The following ST7 variants were observed in gnomAD, a reference collection of about 807,000 sequenced individuals.
ST7 encodes the protein suppressor of tumorigenicity 7 protein.
Under a neutral mutation model 78.7 loss-of-function variants are expected in ST7, and 28 were observed. The observed-to-expected ratio is 0.36, with a 90% CI of 0.26 to 0.49. The LOEUF (loss-of-function observed/expected upper bound fraction) is 0.49, where lower values mean the gene tolerates loss of function less well. Ranked by LOEUF, ST7 falls within the 20% of genes least tolerant of loss-of-function variation. ST7 has a pLI of 0.99. For missense variants in ST7, 418 were observed against 696.0 expected, an observed-to-expected ratio of 0.60 and a Z score of 4.49; for synonymous variants, 247 against 249.6, an observed-to-expected ratio of 0.99 and a Z score of 0.10.
chr7:117,170,228 G>A (rs1326106290), intron 9 of ST7, among the ~76,000 whole-genome samples: 2 of 151,946 alleles, frequency 1.3e-5, no homozygotes, highest in African/African-American at 4.8e-5. Flanking sequence ...TCTTTCTTGA[G>A]CATTTTCTTC....
At chr7:117,031,045 ATGGAAC>A (rs1222656094) in intron 1 of ST7, among the ~76,000 whole-genome samples, 2 of 152,180 alleles carry the variant, frequency 1.3e-5, no homozygotes, top group Non-Finnish European at 2.9e-5. Context: ...AGGAACATGG[ATGGAAC>A]TGGAGGCCAT....
chr7:117,011,286 T>C (rs1252004923), intron 1 of ST7, among the ~76,000 whole-genome samples: 1 of 152,070 alleles, frequency 6.6e-6, no homozygotes, highest in African/African-American at 2.4e-5. Context: ...CACGCTGAAT[T>C]AGGACAATAC....
chr7:117,116,313 A>G (rs1372441805), intron 2 of ST7, among the ~76,000 whole-genome samples: 3 of 152,214 alleles, frequency 2.0e-5, no homozygotes, highest in African/African-American at 4.8e-5. Context: ...AGCATGTCCA[A>G]GAAGTGCTTT....
intron 1 of ST7, among the ~76,000 whole-genome samples, chr7:117,033,467 A>G (rs2116210565): frequency 6.7e-6 from 1 of 149,658 alleles, no homozygotes; most frequent in East Asian, 2.0e-4. Flanking sequence ...TCTGTTGCCC[A>G]GGCTGGAGTG....
chr7:117,026,611 C>T (rs1363304279), intron 1 of ST7, among the ~76,000 whole-genome samples: 1 of 152,188 alleles, frequency 6.6e-6, no homozygotes, highest in Non-Finnish European at 1.5e-5. Flanking sequence ...GATGCAGCAA[C>T]TAATTGCAGA....
chr7:117,215,544 T>C (rs949476036), intron 13 of ST7, among the ~76,000 whole-genome samples: 3 of 152,186 alleles, frequency 2.0e-5, no homozygotes, highest in African/African-American at 7.2e-5. Flanking sequence ...TTTACCAGCC[T>C]TTTGAGGCCT....
chr7:117,078,449 A>G (rs1244654422), intron 1 of ST7, among the ~76,000 whole-genome samples: 1 of 152,262 alleles, frequency 6.6e-6, no homozygotes, highest in Non-Finnish European at 1.5e-5. Flanking sequence ...GTTATCATAT[A>G]AGCATTGTGA....
intron 10 of ST7, among the ~76,000 whole-genome samples, chr7:117,172,318 T>A (rs938606260): frequency 1.3e-5 from 2 of 152,182 alleles, no homozygotes; most frequent in African/African-American, 4.8e-5. Flanking sequence ...CTCCTATAGT[T>A]GAGGGAACTC....
At chr7:116,972,680 C>A (rs1189749772) in intron 1 of ST7, 6 of 1,041,814 alleles carry the variant, frequency 5.8e-6, no homozygotes, top group Non-Finnish European at 7.5e-6. Flanking sequence ...TCCGCTTCTT[C>A]CAGCTTTTGC....
chr7:117,089,282 G>A (rs941188596), intron 1 of ST7, among the ~76,000 whole-genome samples: 1 of 152,158 alleles, frequency 6.6e-6, no homozygotes, highest in Admixed American at 6.5e-5. Flanking sequence ...TATCACCAGT[G>A]TTTTACATAG....
chr7:117,136,011 A>C (rs540211417), intron 7 of ST7, 70 bp from the exon 8 acceptor site: 3 of 1,542,144 alleles, frequency 1.9e-6, no homozygotes, highest in African/African-American at 1.4e-5. Context: ...GCCTTTCTGC[A>C]TGAGCTCCTA....
chr7:117,215,950 G>A (rs953545219), intron 13 of ST7, among the ~76,000 whole-genome samples: 1 of 152,032 alleles, frequency 6.6e-6, no homozygotes, highest in Non-Finnish European at 1.5e-5. Context: ...GATACTCTAA[G>A]ATTGATTACA....
chr7:117,143,060 G>C (rs571851791), intron 9 of ST7, among the ~76,000 whole-genome samples: 1 of 152,160 alleles, frequency 6.6e-6, no homozygotes, highest in African/African-American at 2.4e-5. Context: ...TCCCAGGGCA[G>C]GAAGAGTAAA....
intron 10 of ST7, among the ~76,000 whole-genome samples, chr7:117,182,998 G>A (rs1808902221): frequency 6.6e-6 from 1 of 152,162 alleles, no homozygotes; most frequent in Admixed American, 6.5e-5. Context: ...AGGATTTGTG[G>A]AGAGAATGGA....
chr7:116,993,282 G>C (rs1004703358), intron 1 of ST7, among the ~76,000 whole-genome samples: 1 of 152,182 alleles, frequency 6.6e-6, no homozygotes, highest in Non-Finnish European at 1.5e-5. Context: ...AAGTTTAATT[G>C]GACTTACAAT....
intron 1 of ST7, among the ~76,000 whole-genome samples, chr7:116,963,411 A>C (rs548483515): frequency 1.9e-4 from 29 of 152,284 alleles, no homozygotes; most frequent in African/African-American, 7.0e-4. Flanking sequence ...TATACTACCT[A>C]CTGTGCTAAA....
At chr7:116,981,114 GTTTT>G (rs751948037) in intron 1 of ST7, among the ~76,000 whole-genome samples, 3 of 145,476 alleles carry the variant, frequency 2.1e-5, no homozygotes, top group Non-Finnish European at 3.0e-5. Flanking sequence ...CAGTAGTTTT[GTTTT>G]TTTTTTTAAA....
At chr7:117,096,506 T>C (rs1801054651) in intron 1 of ST7, among the ~76,000 whole-genome samples, 1 of 152,246 alleles carries the variant, frequency 6.6e-6, no homozygotes, top group South Asian at 2.1e-4. Context: ...CTTTTGTGCT[T>C]TTTTTGCTGA....
rs1023756003 is a variant in ST7, at chr7:117,225,598, G to A, written c.1638+3536G>A. 3.9e-5 allele frequency among the ~76,000 whole-genome samples: 6 copies of A among 152,136 alleles called. No homozygotes were observed. The South Asian group carries it at 8.3e-4, about 21-fold the overall frequency. On this transcript the variant is annotated intron_variant, in intron 15 of 15. Coordinates refer to ENST00000323984, the MANE Select transcript of ST7 (RefSeq NM_001369598.1). ...ATCAGGCCCCTCCCGAAGCTCCCAC[G>A]CCACACCCCACACCCCGCAGGTTAT...
Sources: allele counts gnomAD v4.1 joint callset (sites outside exome capture counted in the v4.1 genomes callset), GRCh38; gene constraint gnomAD v4.1.1; transcripts MANE v1.5; gene names NCBI Gene and HGNC (gene_info 2026-07-23, HGNC 2026-07-21).